The following GRIA3 variants were observed in gnomAD, a reference collection of about 807,000 sequenced individuals.
The protein encoded by GRIA3 is glutamate receptor 3.
Under a neutral mutation model 63.0 loss-of-function variants are expected in GRIA3, and 3 were observed. The observed-to-expected ratio is 0.05, with a 90% confidence interval of 0.02 to 0.12. The LOEUF is 0.12. Ranked by LOEUF, GRIA3 falls within the 10% of genes least tolerant of loss-of-function variation. The probability of loss-of-function intolerance (pLI) is 1.00; values close to 1 mark genes in which losing one functional copy is unlikely to be tolerated. For missense variants in GRIA3, 347 were observed against 700.9 expected (o/e 0.50, Z 5.70); for synonymous variants, 274 against 257.9 (o/e 1.06, Z -0.60).
At chrX:123,477,316 T>G (rs1334940415) in intron 13 of GRIA3, among the ~76,000 whole-genome samples, 2 of 112,537 alleles carry the variant, frequency 1.8e-5, no homozygotes, top group Non-Finnish European at 3.8e-5. Context: ...ATTGATTCAT[T>G]TTAAAAAATA....
intron 3 of GRIA3, among the ~76,000 whole-genome samples, chrX:123,277,512 A>G (rs959682182): frequency 1.8e-5 from 2 of 111,246 alleles, no homozygotes; most frequent in African/African-American, 3.3e-5. Flanking sequence ...GAAGGACACA[A>G]TGGATTTCCT....
chrX:123,250,161 G>A (rs192990664), intron 2 of GRIA3, among the ~76,000 whole-genome samples: 2 of 111,545 alleles, frequency 1.8e-5, no homozygotes, highest in East Asian at 5.6e-4. Flanking sequence ...ATCAATACAG[G>A]GAGATGGACT....
At chrX:123,433,663 A>G (rs980567747) in intron 12 of GRIA3, among the ~76,000 whole-genome samples, 1 of 111,954 alleles carries the variant, frequency 8.9e-6, no homozygotes, top group Non-Finnish European at 1.9e-5. Context: ...GAAATGTTTA[A>G]CATTAATTTA....
At chrX:123,260,459 AG>A (rs1370902956) in intron 3 of GRIA3, among the ~76,000 whole-genome samples, 6 of 9,041 alleles carry the variant, frequency 6.6e-4, no homozygotes, top group African/African-American at 5.4e-4. Flanking sequence ...AAAGAAAGAA[AG>A]GAAGGAAGAA....
intron 3 of GRIA3, among the ~76,000 whole-genome samples, chrX:123,266,342 G>A (rs188174564): frequency 1.8e-5 from 2 of 111,255 alleles, no homozygotes; most frequent in East Asian, 2.8e-4. Flanking sequence ...TCTGAATTCC[G>A]AATTTATTCT....
rs912203059 is a variant in GRIA3 at position 123,420,655 on chromosome X, T to A, written c.1877+2877T>A. Among the ~76,000 whole-genome samples, 3 of 110,827 alleles carry A rather than the reference T, an allele frequency of 2.7e-5. No individual in the cohort carries two copies. In the East Asian group the frequency reaches 8.5e-4, roughly 31 times the overall value. On this transcript the variant is annotated intron_variant, in intron 11 of 15. Coordinates refer to ENST00000620443, the MANE Select transcript of GRIA3 (RefSeq NM_007325.5). ...CAGAACTAAGTTTGTGGTATCCCCA[T>A]TGGAGTGCTGCATACTACTCTGCAT...
chrX:123,251,725 C>T (rs761398624), intron 2 of GRIA3, among the ~76,000 whole-genome samples: 1 of 111,578 alleles, frequency 9.0e-6, no homozygotes, highest in Non-Finnish European at 1.9e-5. Context: ...TGAGCCACCG[C>T]GACGGGATTT....
At position 123,443,370 on chromosome X, in the gene GRIA3, G is replaced by T. The variant is rs779422291; in HGVS notation, c.2076+15231G>T. 2.1e-3 allele frequency among the ~76,000 whole-genome samples: 234 copies of T among 111,943 alleles called. 2 individuals carry two copies. Among genetic ancestry groups the T allele is most frequent in the African/African-American group, 7.2e-3 (221 of 30,835 alleles). ...GGGTGAGTCTTGAGTGACCAGGACT[G>T]TTGTATTTATGTCTTTATGGATCTT... On this transcript the variant is annotated intron_variant, in intron 12 of 15. Transcript: ENST00000620443.
chrX:123,460,372 A>G (rs503118), intron 12 of GRIA3, among the ~76,000 whole-genome samples: 40,623 of 110,395 alleles, frequency 0.37, 6,353 homozygotes, highest in African/African-American at 0.61. Flanking sequence ...CCAAGATGAA[A>G]AACACAAAAC....
intron 5 of GRIA3, among the ~76,000 whole-genome samples, chrX:123,365,178 A>G (rs897228403): frequency 2.1e-4 from 24 of 112,086 alleles, no homozygotes; most frequent in African/African-American, 4.5e-4. Context: ...ATCATTTCAC[A>G]TTGTATATGT....
At chrX:123,405,615 T>A (rs1318881021) in intron 10 of GRIA3, among the ~76,000 whole-genome samples, 2 of 111,838 alleles carry the variant, frequency 1.8e-5, no homozygotes, top group Non-Finnish European at 3.8e-5. Flanking sequence ...TAAGTGTTGT[T>A]CCCTGAAGGT....
intron 15 of GRIA3, among the ~76,000 whole-genome samples, chrX:123,487,538 G>T (rs1412293450): frequency 1.8e-5 from 2 of 111,655 alleles, no homozygotes; most frequent in Non-Finnish European, 3.8e-5. Context: ...AAGCATTCTG[G>T]ATAACCAAGG....
chrX:123,269,921 C>T (rs73229271), intron 3 of GRIA3, among the ~76,000 whole-genome samples: 10,690 of 111,873 alleles, frequency 0.096, 547 homozygotes, highest in Non-Finnish European at 0.15. Context: ...AACGGAAGTG[C>T]CTAAAGGCAG....
chrX:123,299,934 A>T (rs2044710937), intron 3 of GRIA3, among the ~76,000 whole-genome samples: 2 of 111,143 alleles, frequency 1.8e-5, no homozygotes, highest in African/African-American at 3.3e-5. Context: ...GTTTTTTAAC[A>T]TAAACAGATG....
rs779571736 is a variant in GRIA3 at position 123,398,691 on chromosome X, A to G, written c.968A>G (p.Tyr323Cys). 1 of 1,204,888 alleles carries G rather than the reference A, an allele frequency of 8.3e-7. No individual in the cohort carries two copies. Residue 323 changes from tyrosine (Y) to cysteine (C), a missense_variant, in exon 7 of 16, where the codon TAC becomes TGC. Tyr to Cys is a radical substitution (Grantham distance 194). Around this residue, in one of 8 missense-constraint regions of GRIA3, gnomAD observed 65 missense variants for 145.8 expected, o/e 0.45. Coordinates refer to ENST00000620443, the MANE Select transcript of GRIA3 (RefSeq NM_007325.5). ...AILVIAEAFR[Y>C]LRRQRVDVSR... ...CTGGTCATAGCAGAAGCTTTCCGCT[A>G]CCTGAGGAGGCAGCGAGTAGATGTG...
chrX:123,325,878 G>A (rs906568800), intron 3 of GRIA3, 148 bp from the exon 4 acceptor site: 12 of 515,908 alleles, frequency 2.3e-5, no homozygotes, highest in Admixed American at 6.0e-5. Flanking sequence ...ACTGTCTGGA[G>A]GGTTAAGGCT....
chrX:123,296,963 G>T (rs1328150490), intron 3 of GRIA3, among the ~76,000 whole-genome samples: 2 of 111,258 alleles, frequency 1.8e-5, no homozygotes, highest in African/African-American at 6.5e-5. Flanking sequence ...TTGTATTGTG[G>T]TATATAATAG....
chrX:123,226,375 CCCAGGTATA>C (rs1013017070), intron 2 of GRIA3, among the ~76,000 whole-genome samples: 1 of 111,739 alleles, frequency 8.9e-6, no homozygotes, highest in Non-Finnish European at 1.9e-5. Context: ...CCCAAGTATT[CCCAGGTATA>C]CCAAGGAGAT....
At chrX:123,260,448 GA>G (rs1249845332) in intron 3 of GRIA3, among the ~76,000 whole-genome samples, 2 of 11,131 alleles carry the variant, frequency 1.8e-4, no homozygotes, top group African/African-American at 4.8e-4. Context: ...AAGAAAGAAA[GA>G]AAGAAAGAAA....
Sources: allele counts gnomAD v4.1 joint callset (sites outside exome capture counted in the v4.1 genomes callset), GRCh38; gene constraint gnomAD v4.1.1; regional missense constraint gnomAD v4.1.1; transcripts MANE v1.5; gene names NCBI Gene and HGNC (gene_info 2026-07-23, HGNC 2026-07-21).